Variants in AMDHD2 observed in about 807,000 individuals in gnomAD.
AMDHD2 encodes N-acetylglucosamine-6-phosphate deacetylase.
In AMDHD2, 24 loss-of-function variants were observed where a neutral mutation model predicts 41.8. The ratio of observed to expected loss-of-function variants is 0.57; its 90% CI spans 0.42 to 0.81. The LOEUF (loss-of-function observed/expected upper bound fraction) is 0.81. Ranked by LOEUF, AMDHD2 falls within the 30% of genes least tolerant of loss-of-function variation. The pLI is 0.00. For missense variants in AMDHD2, 540 were observed against 588.5 expected (o/e 0.92, Z 0.85); for synonymous variants, 332 against 255.5 (o/e 1.30, Z -2.85).
rs1302230600 is a variant in AMDHD2, at chr16:2,527,699, G to C, written c.416-74G>C. On this transcript the variant is annotated intron_variant, in intron 4 of 10. Transcript: ENST00000293971. This position sits in a 1 kb window ranked among gnomAD's most constrained non-coding sequence, Gnocchi z 6.1. ...CAGCCCCCACCCCTCCAGATGCCCA[G>C]CTGGTGGGGAGGGCAGGTGATAAGG... 1.9e-6 allele frequency: 3 copies of C among 1,556,996 alleles called. No homozygotes were observed. Among genetic ancestry groups the C allele is most frequent in the Non-Finnish European group, 2.6e-6 (3 of 1,149,458 alleles).
At chr16:2,521,698 C>T (rs755980497) in intron 3 of AMDHD2, among the ~76,000 whole-genome samples, 27 of 151,552 alleles carry the variant, frequency 1.8e-4, no homozygotes, top group Non-Finnish European at 3.4e-4. Flanking sequence ...TATTCAGGCT[C>T]CTCTTGGCTG....
rs2066070151 is a variant in AMDHD2, at chr16:2,530,288, C to T, written c.*725C>T. The T allele has an allele frequency of 1.2e-6, 2 of 1,613,542 alleles. No homozygotes were observed. The highest frequency in any genetic ancestry group is 2.7e-5 in the African/African-American group (2 of 74,940). On this transcript the variant is annotated 3_prime_UTR_variant, in exon 11 of 11. Transcript: ENST00000293971. ...TGCTTGCCGGCTGTGGTGACCCTGC[C>T]TGGTGCTGGAGGGCAGTATGGGAGG...
rs991315123 is a variant in AMDHD2 at position 2,527,440 on chromosome 16, G to A, written c.361-121G>A. ...CCCTGACCCCTGTGAGGGGACAGGC[G>A]GCCGGGGCTGGGCTGGGTGCTGGGC... On this transcript the variant is annotated intron_variant, in intron 3 of 10. Coordinates refer to ENST00000293971, the MANE Select transcript of AMDHD2 (RefSeq NM_001330449.2). The surrounding 1 kb of genome is among the most constrained non-coding windows in gnomAD (Gnocchi z 6.1). 4.7e-6 allele frequency: 5 copies of A among 1,059,058 alleles called. No homozygotes were observed. The highest frequency in any genetic ancestry group is 2.8e-5 in the South Asian group (2 of 71,574). The allele number at this position is 1,059,058 out of a possible 1,614,324, so 65.6% of individuals were successfully genotyped here. A position where few individuals can be genotyped will look rare whatever the true frequency, so the allele number is the denominator to read the frequency against.
chr16:2,525,436 G>C (rs1210702176), intron 3 of AMDHD2, among the ~76,000 whole-genome samples: 1 of 140,896 alleles, frequency 7.1e-6, no homozygotes, highest in Non-Finnish European at 1.5e-5. Context: ...GCACAATCTC[G>C]GCTTACTGCA....
chr16:2,521,728 T>C (rs1248284239), intron 3 of AMDHD2, among the ~76,000 whole-genome samples: 1 of 152,070 alleles, frequency 6.6e-6, no homozygotes. Flanking sequence ...TACTGTTTTT[T>C]ACTGAACTAT....
At chr16:2,522,687 A>G (rs1296285881) in intron 3 of AMDHD2, among the ~76,000 whole-genome samples, 1 of 151,618 alleles carries the variant, frequency 6.6e-6, no homozygotes, top group Non-Finnish European at 1.5e-5. Context: ...AAAAAAAAAA[A>G]GTTTTTTGTA....
intron 3 of AMDHD2, among the ~76,000 whole-genome samples, chr16:2,522,844 CTTTT>C: frequency 7.4e-6 from 1 of 135,070 alleles, no homozygotes. Context: ...TAGTACTTAA[CTTTT>C]TTTTTTTTTT....
chr16:2,528,677 C>T lies in AMDHD2; in HGVS notation c.998C>T (p.Ala333Val), dbSNP rs749879250. 2.9e-5 allele frequency: 46 copies of T among 1,612,798 alleles called. No homozygotes were observed. The change falls in exon 9 of 11, where the codon GCC (alanine) becomes GTC (valine). Residue 333 changes from alanine to valine, a missense_variant. Transcript: ENST00000293971. ...ACCAAGACGCTGAGTGGCAGCATAG[C>T]CCCAATGGACGTCTGTGTCCGGCAC... is the stretch of plus-strand genomic sequence containing the variant. Reference protein sequence around the residue: ...AGTKTLSGSIAPMDVCVRHFL... With the variant: ...AGTKTLSGSIVPMDVCVRHFL...
rs766873140 is a variant in AMDHD2 at position 2,531,032 on chromosome 16, C to T, written c.*1469C>T. Reference sequence around the variant, plus strand: ...CCGATGTGTTAGAGGTTGAGCATCGCCTGTGCCCAGCTTGCTGGCTGTCAG... The same window carrying T: ...CCGATGTGTTAGAGGTTGAGCATCGTCTGTGCCCAGCTTGCTGGCTGTCAG... On this transcript the variant is annotated 3_prime_UTR_variant, in exon 11 of 11. Coordinates refer to ENST00000293971, the MANE Select transcript of AMDHD2 (RefSeq NM_001330449.2). The T allele has an allele frequency of 3.1e-6, 5 of 1,600,226 alleles. No individual in the cohort carries two copies. The East Asian group carries it at 9.0e-5, about 29-fold the overall frequency.
At position 2,530,604 on chromosome 16, in the gene AMDHD2, G is replaced by A. The variant is rs1247076616; in HGVS notation, c.*1041G>A. ...TACAGGTGCTGTCCTGGGCACAGGAGGTACGCGCCTGGCTCTGCCACTGTT... is the reference window on the plus strand; with the variant it reads ...TACAGGTGCTGTCCTGGGCACAGGAAGTACGCGCCTGGCTCTGCCACTGTT... On this transcript the variant is annotated 3_prime_UTR_variant, in exon 11 of 11. Transcript: ENST00000293971. The A allele has an allele frequency of 1.2e-6, 2 of 1,614,220 alleles. No individual in the cohort carries two copies. Among genetic ancestry groups the A allele is most frequent in the Non-Finnish European group, 1.7e-6 (2 of 1,180,028 alleles).
At position 2,527,659 on chromosome 16, in the gene AMDHD2, T is replaced by C; in HGVS notation, c.415+44T>C. 1 of 1,588,630 alleles carries C rather than the reference T, an allele frequency of 6.3e-7. No homozygotes were observed. ...CCCCGCCCCCACCCTGGGAGGCTCC[T>C]GCGGGACCTGTTGGCAGCCCCCACC... On this transcript the variant is annotated intron_variant, in intron 4 of 10. Transcript: ENST00000293971. The surrounding 1 kb of genome is among the most constrained non-coding windows in gnomAD (Gnocchi z 6.1).
chr16:2,524,401 C>G lies in AMDHD2; in HGVS notation c.361-3160C>G, dbSNP rs78193070. Among the ~76,000 whole-genome samples the G allele has an allele frequency of 4.0e-3, 613 of 152,336 alleles. 13 individuals carry two copies. In the East Asian group the frequency reaches 0.075, roughly 19 times the overall value. ...AGGTGAGGCACCTCCAGGGGGCAGC[C>G]AGGCCCCTGCCTCTGGCCCCGCACA... On this transcript the variant is annotated intron_variant, in intron 3 of 10. Transcript: ENST00000293971.
intron 3 of AMDHD2, among the ~76,000 whole-genome samples, chr16:2,521,777 T>C (rs2065941569): frequency 6.8e-6 from 1 of 146,220 alleles, no homozygotes. Context: ...TTTTTTTTTG[T>C]TTAGTTTTTT....
chr16:2,530,896 C>T lies in AMDHD2; in HGVS notation c.*1333C>T, dbSNP rs761098943. 79 of 1,613,536 alleles carry T rather than the reference C, an allele frequency of 4.9e-5. No individual in the cohort carries two copies. Among genetic ancestry groups the T allele is most frequent in the African/African-American group, 9.3e-5 (7 of 75,044 alleles). ...GCAGGGATACCCACCTCTGCCTTGA[C>T]GGCCGCGCACCCCTTAGGAAGTGGC... On this transcript the variant is annotated 3_prime_UTR_variant, in exon 11 of 11. Transcript: ENST00000293971.
chr16:2,529,085 T>G lies in AMDHD2; in HGVS notation c.1131T>G (p.Gly377=). 1 of 1,585,150 alleles carries G rather than the reference T, an allele frequency of 6.3e-7. No homozygotes were observed. The highest frequency in any genetic ancestry group is 8.6e-7 in the Non-Finnish European group (1 of 1,166,582). The change falls in exon 10 of 11, where the codon GGT becomes GGG. Residue 377 remains glycine (G), a synonymous_variant. Transcript: ENST00000293971. ...LEKSKGTLDF[G]ADADFVVLDD... ...AGAGTAAGGGGACCCTGGACTTTGG[T>G]GCTGACGCAGGTGAGGGCCTGTCGC...
In AMDHD2 at chr16:2,528,070, G is replaced by C; in HGVS notation, c.639G>C (p.Val213=). 6.2e-7 allele frequency: 1 copy of C among 1,613,014 alleles called. No individual in the cohort carries two copies. Residue 213 remains valine, a synonymous_variant, in exon 6 of 11, where the codon GTG becomes GTC. Coordinates refer to ENST00000293971, the MANE Select transcript of AMDHD2 (RefSeq NM_001330449.2). ...ATCCAGGTCCCGCAGGGCACTCAGT[G>C]GCTGACCTGCGGGCGGCAGAGGATG... ...RGICVSLGHS[V]ADLRAAEDAV...
At position 2,529,457 on chromosome 16, in the gene AMDHD2, T is replaced by C. The variant is rs1478788327; in HGVS notation, c.1142-18T>C. On this transcript the variant is annotated intron_variant, in intron 10 of 10. Coordinates refer to ENST00000293971, the MANE Select transcript of AMDHD2 (RefSeq NM_001330449.2). ...GGCCCCACTCCTGCCCCCTACTCAT[T>C]GCCCGGCTCTGTCCCAGACTTCGTG... 1.2e-6 allele frequency: 2 copies of C among 1,608,212 alleles called. No individual in the cohort carries two copies. Among genetic ancestry groups the C allele is most frequent in the African/African-American group, 2.7e-5 (2 of 74,898 alleles).
At chr16:2,526,572 C>T (rs1596995840) in intron 3 of AMDHD2, among the ~76,000 whole-genome samples, 2 of 152,104 alleles carry the variant, frequency 1.3e-5, no homozygotes, top group East Asian at 3.9e-4. Context: ...TGCCAAGCCT[C>T]CAAAGTCTGG....
In AMDHD2 at chr16:2,531,279, C is replaced by G; in HGVS notation, c.*1716C>G. The G allele has an allele frequency of 1.6e-6, 1 of 620,842 alleles. No individual in the cohort carries two copies. The highest frequency in any genetic ancestry group is 1.8e-5 in the African/African-American group (1 of 54,228). The allele number at this position is 620,842 out of a possible 1,614,324, so 38.5% of individuals were successfully genotyped here. The stretch of plus-strand genomic sequence containing the variant: ...CTAGCCCTGGGTGGTGGGAGAGGGG[C>G]CCAGGGTCAGGGTGAGAGAGAGCTG... On this transcript the variant is annotated 3_prime_UTR_variant, in exon 11 of 11. Coordinates refer to ENST00000293971, the MANE Select transcript of AMDHD2 (RefSeq NM_001330449.2).
Sources: gnomAD v4.1 joint callset for allele counts (sites outside exome capture counted in the v4.1 genomes callset) on GRCh38, gnomAD v4.1.1 for gene constraint, Gnocchi (gnomAD v3.1) non-coding constraint, MANE v1.5 for transcripts, NCBI Gene and HGNC (gene_info 2026-07-23, HGNC 2026-07-21) for gene names.